Variants in ZBTB40 observed in about 807,000 individuals in gnomAD.
ZBTB40 encodes zinc finger and BTB domain containing 40.
ZBTB40 carries 60 observed loss-of-function variants against 117.5 expected under a neutral mutation model. That is an observed-to-expected ratio of 0.51 (90% CI 0.41 to 0.63). The LOEUF (loss-of-function observed/expected upper bound fraction) is 0.63. ZBTB40 is among the 30% of genes least tolerant of loss of function. ZBTB40 has a pLI of 0.00. For missense variants in ZBTB40, 1,287 were observed against 1,498.5 expected (o/e 0.86, Z 2.33); for synonymous variants, 525 against 577.1 (o/e 0.91, Z 1.29).
chr1:22,491,637 G>T (rs2124432232), intron 3 of ZBTB40, 104 bp downstream of exon 3: 26 of 1,270,164 alleles, frequency 2.0e-5, no homozygotes, highest in Middle Eastern at 1.9e-4. Flanking sequence ...TCAATGTTTT[G>T]AAACTTTAAT....
intron 1 of ZBTB40, among the ~76,000 whole-genome samples, chr1:22,429,146 G>A (rs982536199): frequency 1.3e-5 from 2 of 152,206 alleles, no homozygotes; most frequent in Non-Finnish European, 1.5e-5. Context: ...ACTTTGGGGG[G>A]CCGAGGCTGG....
In ZBTB40 at chr1:22,527,779, T is replaced by C. The variant is rs1481690386; in HGVS notation, c.*1383T>C. ...CACGTTTGGTCACCATGGAAGCTTT[T>C]ATTGCTCCCACATGGTCAGGTCTCA... is the stretch of plus-strand genomic sequence containing the variant. On this transcript the variant is annotated 3_prime_UTR_variant, in exon 18 of 18. Transcript: ENST00000375647. The C allele has an allele frequency of 1.3e-5, 2 of 152,436 alleles. No individual in the cohort carries two copies. Among genetic ancestry groups the C allele is most frequent in the African/African-American group, 4.8e-5 (2 of 41,472 alleles). The allele number at this position is 152,436 out of a possible 1,614,324, so 9.4% of individuals were successfully genotyped here.
At position 22,431,391 on chromosome 1, in the gene ZBTB40, T is replaced by C. The variant is rs1280871543; in HGVS notation, c.-70+2377T>C. 1.4e-4 allele frequency among the ~76,000 whole-genome samples: 12 copies of C among 85,114 alleles called. No individual in the cohort carries two copies. The South Asian group carries it at 3.4e-3, about 24-fold the overall frequency. 55.8% of individuals were successfully genotyped at this position (85,114 alleles called of 152,430 possible). A position where few individuals can be genotyped will look rare whatever the true frequency, so the allele number is the denominator to read the frequency against. ...GTGTGTGTGTGTGTGTGTGTATATA[T>C]ATATATATATATATATATGTATATA... On this transcript the variant is annotated intron_variant, in intron 1 of 8. Coordinates refer to the ZBTB40 transcript ENST00000650433.
chr1:22,491,448 G>A lies in ZBTB40; in HGVS notation c.746G>A (p.Gly249Asp). 1.9e-6 allele frequency: 3 copies of A among 1,613,942 alleles called. No homozygotes were observed. The highest frequency in any genetic ancestry group is 2.5e-6 in the Non-Finnish European group (3 of 1,179,938). Residue 249 changes from glycine to aspartate, a missense_variant, in exon 3 of 18, where the codon GGT becomes GAT. Around this residue, in one of 2 missense-constraint regions of ZBTB40, gnomAD observed 870 missense variants for 934.4 expected, o/e 0.93. Coordinates refer to ENST00000375647, the MANE Select transcript of ZBTB40 (RefSeq NM_014870.4). Reference protein sequence around the residue: ...YQLNFLLENEGVFSDALMVTQ... With the variant: ...YQLNFLLENEDVFSDALMVTQ... ...CTGAATTTTCTTCTAGAAAATGAAG[G>A]TGTCTTCTCAGATGCACTCATGGTT... is the stretch of plus-strand genomic sequence containing the variant.
At chr1:22,474,034 A>G (rs933018734) in intron 1 of ZBTB40, among the ~76,000 whole-genome samples, 6 of 152,196 alleles carry the variant, frequency 3.9e-5, no homozygotes, top group Non-Finnish European at 1.5e-5. Context: ...TGATATCTAC[A>G]ACAGAGCTCA....
chr1:22,513,243 C>A lies in ZBTB40; in HGVS notation c.2668+113C>A. 8.7e-7 allele frequency: 1 copy of A among 1,147,898 alleles called. No individual in the cohort carries two copies. The highest frequency in any genetic ancestry group is 1.3e-6 in the Non-Finnish European group (1 of 790,990). 71.1% of individuals were successfully genotyped at this position (1,147,898 alleles called of 1,614,324 possible). ...AAAACAAAACAATTTGATAGCACAACAGGGTGACTAAAGTCAATAATAACT... is the reference window on the plus strand; with the variant it reads ...AAAACAAAACAATTTGATAGCACAAAAGGGTGACTAAAGTCAATAATAACT... On this transcript the variant is annotated intron_variant, in intron 12 of 17. Transcript: ENST00000375647. This position sits in a 1 kb window ranked among gnomAD's most constrained non-coding sequence, Gnocchi z 4.9.
At chr1:22,505,906 A>G in intron 5 of ZBTB40, 143 bp from the exon 6 acceptor site, 1 of 791,994 alleles carries the variant, frequency 1.3e-6, no homozygotes, top group Non-Finnish European at 2.2e-6. Context: ...GAAACTATGA[A>G]AAAAAGTAAT....
At chr1:22,433,266 T>C (rs1165660243) in intron 1 of ZBTB40, among the ~76,000 whole-genome samples, 2 of 151,218 alleles carry the variant, frequency 1.3e-5, no homozygotes, top group Non-Finnish European at 2.9e-5. Flanking sequence ...ACCCCGTCTC[T>C]ACTAAAAATA....
At chr1:22,432,803 T>C (rs183690522) in intron 1 of ZBTB40, among the ~76,000 whole-genome samples, 5 of 152,358 alleles carry the variant, frequency 3.3e-5, no homozygotes, top group Admixed American at 1.3e-4. Flanking sequence ...GCAACTGTAA[T>C]GTAAGTGCAG....
chr1:22,441,475 T>TTC (rs1640731887), intron 1 of ZBTB40, among the ~76,000 whole-genome samples: 1 of 132,654 alleles, frequency 7.5e-6, no homozygotes. Context: ...TTTGCTTTCT[T>TTC]TTTTTTTTTT....
chr1:22,517,200 AGAT>A, intron 12 of ZBTB40, 97 bp from the exon 13 acceptor site: 1 of 1,529,354 alleles, frequency 6.5e-7, no homozygotes, highest in Non-Finnish European at 9.0e-7. Context: ...GTCATCTACC[AGAT>A]GATATTTCCC....
At chr1:22,431,899 T>G (rs954016544) in intron 1 of ZBTB40, among the ~76,000 whole-genome samples, 1 of 152,184 alleles carries the variant, frequency 6.6e-6, no homozygotes, top group African/African-American at 2.4e-5. Flanking sequence ...CAAAATAATA[T>G]GAAATGGTAT....
In ZBTB40 at chr1:22,522,472, C is replaced by G. The variant is rs1193096941; in HGVS notation, c.3298+9C>G. ...CAAGTGCCAGCATTCAGGTCAGTAC[C>G]CCTGTCAGCATACTTCTAGGCTAGA... On this transcript the variant is annotated intron_variant, in intron 16 of 17. Coordinates refer to ENST00000375647, the MANE Select transcript of ZBTB40 (RefSeq NM_014870.4). 5.6e-6 allele frequency: 9 copies of G among 1,613,992 alleles called. No homozygotes were observed. Among genetic ancestry groups the G allele is most frequent in the Non-Finnish European group, 6.8e-6 (8 of 1,179,886 alleles).
intron 1 of ZBTB40, among the ~76,000 whole-genome samples, chr1:22,436,551 T>C (rs115236922): frequency 0.011 from 1,747 of 152,156 alleles, 28 homozygotes; most frequent in African/African-American, 0.04. Context: ...TAAATACTCA[T>C]AAACTTTATT....
intron 1 of ZBTB40, among the ~76,000 whole-genome samples, chr1:22,485,413 T>C (rs1042406963): frequency 1.3e-5 from 2 of 152,222 alleles, no homozygotes; most frequent in Non-Finnish European, 1.5e-5. Flanking sequence ...ATTTAGGTTA[T>C]ATTTGTGGAC....
chr1:22,471,416 A>G (rs1453333268), intron 1 of ZBTB40, among the ~76,000 whole-genome samples: 1 of 152,276 alleles, frequency 6.6e-6, no homozygotes, highest in East Asian at 1.9e-4. Context: ...GGAGCCAGGC[A>G]CATCTGCATT....
intron 1 of ZBTB40, among the ~76,000 whole-genome samples, chr1:22,442,063 A>G (rs1314617422): frequency 1.3e-5 from 2 of 152,068 alleles, no homozygotes; most frequent in Non-Finnish European, 2.9e-5. Context: ...AATCTCCACA[A>G]ATTTGTGCAT....
intron 1 of ZBTB40, among the ~76,000 whole-genome samples, chr1:22,452,367 A>G (rs892793348): frequency 2.0e-5 from 3 of 152,232 alleles, no homozygotes; most frequent in Non-Finnish European, 2.9e-5. Flanking sequence ...GCCGGGCGTC[A>G]GCGGACTATG....
At chr1:22,471,427 T>C (rs1641401287) in intron 1 of ZBTB40, among the ~76,000 whole-genome samples, 1 of 152,264 alleles carries the variant, frequency 6.6e-6, no homozygotes, top group South Asian at 2.1e-4. Context: ...CATCTGCATT[T>C]GGGCTCTGCT....
Sources: allele counts gnomAD v4.1 joint callset (sites outside exome capture counted in the v4.1 genomes callset), GRCh38; gene constraint gnomAD v4.1.1; regional missense constraint gnomAD v4.1.1; non-coding constraint Gnocchi (gnomAD v3.1); transcripts MANE v1.5; gene names NCBI Gene and HGNC (gene_info 2026-07-23, HGNC 2026-07-21).